The following RNF152 variants were observed in gnomAD, a reference collection of about 807,000 sequenced individuals.
RNF152 encodes ring finger protein 152.
A neutral mutation model predicts 12.7 loss-of-function variants in RNF152; 11 were observed. The ratio of observed to expected loss-of-function variants is 0.86; its 90% CI spans 0.54 to 1.43. The LOEUF (loss-of-function observed/expected upper bound fraction) is 1.43, where lower values mean the gene tolerates loss of function less well. RNF152 is among the 40% of genes most tolerant of loss of function. The probability of loss-of-function intolerance (pLI) is 0.00; values close to 1 mark genes in which losing one functional copy is unlikely to be tolerated. For missense variants in RNF152, 255 were observed against 274.8 expected, an observed-to-expected ratio of 0.93 and a Z score of 0.51; for synonymous variants, 113 against 120.3, an observed-to-expected ratio of 0.94 and a Z score of 0.40.
chr18:61,837,389 T>G (rs1910236670), intron 1 of RNF152, among the ~76,000 whole-genome samples: 1 of 152,206 alleles, frequency 6.6e-6, no homozygotes, highest in South Asian at 2.1e-4. Flanking sequence ...TAATGTGAAT[T>G]TCTTAGGTGT....
chr18:61,845,116 C>T (rs1487090935), intron 1 of RNF152, among the ~76,000 whole-genome samples: 1 of 152,174 alleles, frequency 6.6e-6, no homozygotes, highest in Non-Finnish European at 1.5e-5. Context: ...GACAGGATCT[C>T]ACTCTGTTGC....
chr18:61,835,051 CA>C (rs1910119874), intron 1 of RNF152, among the ~76,000 whole-genome samples: 1 of 152,132 alleles, frequency 6.6e-6, no homozygotes, highest in African/African-American at 2.4e-5. Context: ...CAATTTGCCC[CA>C]AAATAGGCAC....
At chr18:61,823,675 G>A (rs931303230) in intron 1 of RNF152, among the ~76,000 whole-genome samples, 1 of 152,234 alleles carries the variant, frequency 6.6e-6, no homozygotes, top group Non-Finnish European at 1.5e-5. Context: ...AGGCCAACTG[G>A]CCCAGGTGGC....
In RNF152 at chr18:61,831,410, T is replaced by C. The variant is rs1909937395; in HGVS notation, c.-135-14812A>G. 2.0e-5 allele frequency among the ~76,000 whole-genome samples: 3 copies of C among 152,322 alleles called. No individual in the cohort carries two copies. The South Asian group carries it at 6.2e-4, about 32-fold the overall frequency. ...CACATTTTACAAACTAATGAAAGCT[T>C]GCCCAGCACAGTAGATGGCACACAC... On this transcript the variant is annotated intron_variant, in intron 1 of 1. Transcript: ENST00000312828.
At chr18:61,831,886 A>C (rs1909967660) in intron 1 of RNF152, among the ~76,000 whole-genome samples, 1 of 151,520 alleles carries the variant, frequency 6.6e-6, no homozygotes, top group Non-Finnish European at 1.5e-5. Flanking sequence ...ACCTATTTAA[A>C]ATGTAAATAA....
Position 61,814,931 on chromosome 18 carries a change from A to C in RNF152, c.*921T>G, listed in dbSNP as rs1006099749. 2.0e-5 allele frequency: 3 copies of C among 152,364 alleles called. No individual in the cohort carries two copies. Among genetic ancestry groups the C allele is most frequent in the Non-Finnish European group, 2.9e-5 (2 of 68,046 alleles). The allele number at this position is 152,364 out of a possible 1,614,324, so 9.4% of individuals were successfully genotyped here. A position where few individuals can be genotyped will look rare whatever the true frequency, so the allele number is the denominator to read the frequency against. ...GACCACTCGCTGGGTCAAGATGTCC[A>C]AGAAGTGGCCACCGCTTCAGAGACT... On this transcript the variant is annotated 3_prime_UTR_variant, in exon 2 of 2. Coordinates refer to ENST00000312828, the MANE Select transcript of RNF152 (RefSeq NM_173557.3).
At chr18:61,849,758 G>A (rs1379084950) in intron 1 of RNF152, among the ~76,000 whole-genome samples, 1 of 152,098 alleles carries the variant, frequency 6.6e-6, no homozygotes, top group Non-Finnish European at 1.5e-5. Context: ...TAAGAGAAGT[G>A]GTCTCACTAT....
intron 1 of RNF152, among the ~76,000 whole-genome samples, chr18:61,830,847 T>C (rs1909908372): frequency 6.6e-6 from 1 of 152,048 alleles, no homozygotes; most frequent in Non-Finnish European, 1.5e-5. Context: ...GTGACAAAGG[T>C]CAGTGAAGAG....
At chr18:61,857,145 C>T (rs1243540665) in intron 1 of RNF152, among the ~76,000 whole-genome samples, 3 of 152,194 alleles carry the variant, frequency 2.0e-5, no homozygotes, top group African/African-American at 7.2e-5. Flanking sequence ...AATTCCTACC[C>T]TGACTTGCAT....
intron 1 of RNF152, among the ~76,000 whole-genome samples, chr18:61,858,485 T>C (rs1911324167): frequency 1.3e-5 from 2 of 151,954 alleles, no homozygotes; most frequent in African/African-American, 4.8e-5. Context: ...TCCAGCCACC[T>C]CTAGAAATAT....
intron 1 of RNF152, among the ~76,000 whole-genome samples, chr18:61,826,204 G>A (rs1437446857): frequency 6.6e-6 from 1 of 152,186 alleles, no homozygotes; most frequent in East Asian, 1.9e-4. Context: ...AGACTTGTGG[G>A]GCATCCCTTA....
rs34170984 is a variant in RNF152 at position 61,887,701 on chromosome 18, CAAA to C, written c.-136+5091_-136+5093del. On this transcript the variant is annotated intron_variant, in intron 1 of 1. Transcript: ENST00000312828. ...TGGGTGACAGAGTGAGACTCCATCT[CAAA>C]AAAAAAAAAAAAAAAAAGAATGCTC... 9.8e-3 allele frequency among the ~76,000 whole-genome samples: 1,039 copies of C among 105,926 alleles called. 3 individuals are homozygous for C. Among genetic ancestry groups the C allele is most frequent in the South Asian group, 0.042 (136 of 3,218 alleles). The allele number at this position is 105,926 out of a possible 152,430, so 69.5% of individuals were successfully genotyped here.
chr18:61,887,041 TAAGA>T (rs1204723149), intron 1 of RNF152, among the ~76,000 whole-genome samples: 1 of 152,176 alleles, frequency 6.6e-6, no homozygotes, highest in Non-Finnish European at 1.5e-5. Flanking sequence ...TGTGCTAGAA[TAAGA>T]AAGAGGCAAT....
intron 1 of RNF152, among the ~76,000 whole-genome samples, chr18:61,857,760 A>C (rs565962597): frequency 1.9e-4 from 29 of 152,356 alleles, no homozygotes; most frequent in African/African-American, 7.0e-4. Flanking sequence ...GTTTTGGATA[A>C]TAGCCTATCA....
At chr18:61,876,764 T>C (rs1391061349) in intron 1 of RNF152, among the ~76,000 whole-genome samples, 2 of 152,224 alleles carry the variant, frequency 1.3e-5, no homozygotes, top group Non-Finnish European at 2.9e-5. Context: ...GTAGGATTGC[T>C]GTGAGGAGTA....
intron 1 of RNF152, among the ~76,000 whole-genome samples, chr18:61,881,291 T>C (rs1377557404): frequency 6.6e-6 from 1 of 152,134 alleles, no homozygotes; most frequent in African/African-American, 2.4e-5. Flanking sequence ...TACTATAGAT[T>C]ATAGCGAACG....
chr18:61,841,064 G>A (rs77008788), intron 1 of RNF152, among the ~76,000 whole-genome samples: 7,314 of 152,312 alleles, frequency 0.048, 241 homozygotes, highest in Non-Finnish European at 0.067. Flanking sequence ...GACCCATGGG[G>A]CACATGGAGC....
chr18:61,859,435 T>A (rs1291237428), intron 1 of RNF152, among the ~76,000 whole-genome samples: 3 of 152,144 alleles, frequency 2.0e-5, no homozygotes, highest in Non-Finnish European at 4.4e-5. Context: ...GGCTAAGGGT[T>A]CCGGAGAGTC....
At position 61,816,014 on chromosome 18, in the gene RNF152, C is replaced by A. The variant is rs140397049; in HGVS notation, c.450G>T (p.Ala150=). 130 of 1,614,102 alleles carry A rather than the reference C, an allele frequency of 8.1e-5. No homozygotes were observed. Among genetic ancestry groups the A allele is most frequent in the Non-Finnish European group, 9.7e-5 (115 of 1,180,042 alleles). The part of the protein sequence containing the change: ...QPLQGGAPQE[A]VEEEQDRRGV... ...CCCGCCTGTCCTGCTCCTCCTCCAC[C>A]GCCTCCTGGGGAGCCCCACCTTGCA... is the stretch of plus-strand genomic sequence containing the variant. The change falls in exon 2 of 2, where the codon GCG becomes GCT. Residue 150 remains alanine (A), a synonymous_variant. Coordinates refer to ENST00000312828, the MANE Select transcript of RNF152 (RefSeq NM_173557.3).
Sources: gnomAD v4.1 joint callset for allele counts (sites outside exome capture counted in the v4.1 genomes callset) on GRCh38, gnomAD v4.1.1 for gene constraint, MANE v1.5 for transcripts, NCBI Gene and HGNC (gene_info 2026-07-23, HGNC 2026-07-21) for gene names.